PRRC2C: variants seen among roughly 807,000 people sequenced by gnomAD.
The protein encoded by PRRC2C is protein PRRC2C.
A neutral mutation model predicts 317.2 loss-of-function variants in PRRC2C; 72 were observed. The ratio of observed to expected loss-of-function variants is 0.23; its 90% CI spans 0.19 to 0.28. PRRC2C has a LOEUF of 0.28. PRRC2C is among the 10% of genes least tolerant of loss of function. The pLI is 1.00. For synonymous variants in PRRC2C, 1,296 were observed against 1,205.9 expected (o/e 1.07, Z -1.55); for missense variants, 3,074 against 3,459.7 (o/e 0.89, Z 2.80).
chr1:171,518,849 G>C (rs1398009880), intron 6 of PRRC2C, among the ~76,000 whole-genome samples: 1 of 149,386 alleles, frequency 6.7e-6, no homozygotes, highest in African/African-American at 2.5e-5. Context: ...CAAAAATAAA[G>C]ATAACAGTGC....
At chr1:171,547,465 A>C (rs988537433) in intron 17 of PRRC2C, among the ~76,000 whole-genome samples, 9 of 152,166 alleles carry the variant, frequency 5.9e-5, no homozygotes, top group African/African-American at 2.2e-4. Flanking sequence ...GTCTGAAGTA[A>C]TGTGTGCATG....
At chr1:171,488,890 G>A (rs1347897817) in intron 1 of PRRC2C, among the ~76,000 whole-genome samples, 1 of 152,050 alleles carries the variant, frequency 6.6e-6, no homozygotes, top group Non-Finnish European at 1.5e-5. Flanking sequence ...GTGCTGCTAT[G>A]TGCTCAACAT....
At chr1:171,568,221 AT>A (rs749648923) in intron 22 of PRRC2C, 25 bp from the exon 23 acceptor site, 134 of 1,562,724 alleles carry the variant, frequency 8.6e-5, no homozygotes, top group Middle Eastern at 1.7e-4. Flanking sequence ...TTTAAAATGT[AT>A]TTTTTTTCTA....
rs371005818 is a variant in PRRC2C, at chr1:171,587,689, T to C, written c.8010T>C (p.Asp2670=). 29 of 1,613,404 alleles carry C rather than the reference T, an allele frequency of 1.8e-5. No homozygotes were observed. Among genetic ancestry groups the C allele is most frequent in the Admixed American group, 3.3e-5 (2 of 59,996 alleles). Residue 2670 remains aspartate (D), a synonymous_variant, in exon 32 of 35, where the codon GAT becomes GAC. Transcript: ENST00000647382. The part of the protein sequence containing the change: ...MELKAFGSGI[D]IKPGTPPIAG... ...TAAAAGCCTTTGGAAGTGGCATTGATATAAAACCAGGCACACCTCCAATCG... is the reference window on the plus strand; with the variant it reads ...TAAAAGCCTTTGGAAGTGGCATTGACATAAAACCAGGCACACCTCCAATCG...
intron 32 of PRRC2C, among the ~76,000 whole-genome samples, chr1:171,587,954 T>C (rs998847272): frequency 6.6e-6 from 1 of 152,210 alleles, no homozygotes; most frequent in African/African-American, 2.4e-5. Context: ...TAAATTCTTT[T>C]GTTACAGAGC....
intron 23 of PRRC2C, among the ~76,000 whole-genome samples, chr1:171,569,552 C>A (rs1451499454): frequency 1.7e-4 from 14 of 81,770 alleles, no homozygotes; most frequent in African/African-American, 5.7e-4. Flanking sequence ...CCACCCACCC[C>A]CCACTTTTAT....
At chr1:171,530,448 G>C (rs1253168622) in intron 11 of PRRC2C, among the ~76,000 whole-genome samples, 3 of 151,842 alleles carry the variant, frequency 2.0e-5, no homozygotes, top group Non-Finnish European at 2.9e-5. Flanking sequence ...GTTTCGCCAT[G>C]TTGCCCAGGC....
chr1:171,523,663 G>T (rs1674016914), intron 9 of PRRC2C, 141 bp downstream of exon 9: 1 of 739,758 alleles, frequency 1.4e-6, no homozygotes, highest in Admixed American at 2.5e-5. Flanking sequence ...CTGAATAGAG[G>T]GTGCTTAATG....
At chr1:171,569,312 C>G (rs1162698034) in intron 23 of PRRC2C, among the ~76,000 whole-genome samples, 1 of 151,496 alleles carries the variant, frequency 6.6e-6, no homozygotes, top group African/African-American at 2.4e-5. Context: ...TCTTTATTAT[C>G]TTCTTACTTT....
At chr1:171,513,469 T>C in intron 3 of PRRC2C, 1 of 504,492 alleles carries the variant, frequency 2.0e-6, no homozygotes, top group Non-Finnish European at 3.9e-6. Flanking sequence ...CTTTCCAATA[T>C]GATTAAGAGT....
rs1677766624 is a variant in PRRC2C at position 171,540,504 on chromosome 1, G to A, written c.3038G>A (p.Arg1013Lys). ...GAAGAAGTTAATGATAGACCTGTGAGAAGATCAGGTCCCATTAAAAAACCT... is the reference window on the plus strand; with the variant it reads ...GAAGAAGTTAATGATAGACCTGTGAAAAGATCAGGTCCCATTAAAAAACCT... ...RREEVNDRPV[R>K]RSGPIKKPVL... The change falls in exon 16 of 35, where the codon AGA becomes AAA. Residue 1013 changes from arginine (R) to lysine (K), a missense_variant. Coordinates refer to ENST00000647382, the MANE Select transcript of PRRC2C (RefSeq NM_001387844.1). 2 of 1,613,130 alleles carry A rather than the reference G, an allele frequency of 1.2e-6. No individual in the cohort carries two copies. The highest frequency in any genetic ancestry group is 1.7e-6 in the Non-Finnish European group (2 of 1,179,734).
chr1:171,569,670 T>G (rs1684397579), intron 23 of PRRC2C, among the ~76,000 whole-genome samples: 1 of 147,188 alleles, frequency 6.8e-6, no homozygotes, highest in African/African-American at 2.5e-5. Context: ...GGAAAAGACT[T>G]CCTTTCAGTT....
intron 15 of PRRC2C, among the ~76,000 whole-genome samples, chr1:171,539,713 C>CT (rs1677600916): frequency 1.3e-5 from 2 of 152,150 alleles, no homozygotes; most frequent in African/African-American, 2.4e-5. Context: ...CTATTTCCTT[C>CT]TTTTTTATCC....
rs780421440 is a variant in PRRC2C at position 171,584,557 on chromosome 1, T to C, written c.7749+31T>C. 2.6e-6 allele frequency: 4 copies of C among 1,514,132 alleles called. No individual in the cohort carries two copies. In the East Asian group the frequency reaches 7.3e-5, roughly 28 times the overall value. 93.8% of individuals were successfully genotyped at this position (1,514,132 alleles called of 1,614,324 possible). On this transcript the variant is annotated intron_variant, in intron 30 of 34. Coordinates refer to ENST00000647382, the MANE Select transcript of PRRC2C (RefSeq NM_001387844.1). ...CTATGGCATGGTAAATTTCCTCAATTTTCTTTATTATTATTTTTATTGCTT... is the reference window on the plus strand; with the variant it reads ...CTATGGCATGGTAAATTTCCTCAATCTTCTTTATTATTATTTTTATTGCTT...
At chr1:171,505,318 G>A (rs748344856) in intron 1 of PRRC2C, among the ~76,000 whole-genome samples, 30 of 152,112 alleles carry the variant, frequency 2.0e-4, no homozygotes, top group South Asian at 4.1e-4. Flanking sequence ...ATGAGCCACC[G>A]TGTCCGGCTG....
At chr1:171,524,651 T>C (rs1485695666) in intron 9 of PRRC2C, among the ~76,000 whole-genome samples, 170 bp from the exon 10 acceptor site, 2 of 152,222 alleles carry the variant, frequency 1.3e-5, no homozygotes, top group East Asian at 3.8e-4. Context: ...TCATAGTATA[T>C]ATTTATTGAA....
intron 3 of PRRC2C, among the ~76,000 whole-genome samples, chr1:171,513,645 CCTT>C (rs1244726746): frequency 6.6e-6 from 1 of 152,148 alleles, no homozygotes; most frequent in Non-Finnish European, 1.5e-5. Context: ...TCTTAGTCAT[CCTT>C]CTTTCAACAA....
At position 171,517,771 on chromosome 1, in the gene PRRC2C, A is replaced by G; in HGVS notation, c.707A>G (p.Gln236Arg). Reference protein sequence around the residue: ...GPPQAKLNGQQAALASQYRAM... With the variant: ...GPPQAKLNGQRAALASQYRAM... ...CCACAGGCTAAACTGAATGGACAGC[A>G]GGCTGCTCTCGCTTCCCAGTATAGA... Residue 236 changes from glutamine to arginine, a missense_variant, in exon 6 of 35, where the codon CAG (glutamine) becomes CGG (arginine). Gln to Arg is a conservative substitution (Grantham distance 43). Transcript: ENST00000647382. The G allele has an allele frequency of 6.2e-7, 1 of 1,613,738 alleles. No individual in the cohort carries two copies. Among genetic ancestry groups the G allele is most frequent in the Non-Finnish European group, 8.5e-7 (1 of 1,179,888 alleles).
chr1:171,550,604 C>T (rs976975775), intron 18 of PRRC2C, among the ~76,000 whole-genome samples: 1 of 150,240 alleles, frequency 6.7e-6, no homozygotes, highest in African/African-American at 2.5e-5. Flanking sequence ...TCTCCTAATG[C>T]TATCCCTCCC....
Sources: gnomAD v4.1 joint callset for allele counts (sites outside exome capture counted in the v4.1 genomes callset) on GRCh38, gnomAD v4.1.1 for gene constraint, MANE v1.5 for transcripts, NCBI Gene and HGNC (gene_info 2026-07-23, HGNC 2026-07-21) for gene names.